Variants in TRPM3 observed in about 807,000 individuals in gnomAD.
The protein encoded by TRPM3 is long transient receptor potential channel 3.
A neutral mutation model predicts 181.2 loss-of-function variants in TRPM3; 77 were observed. The observed-to-expected ratio is 0.42, with a 90% CI of 0.35 to 0.51. The LOEUF (loss-of-function observed/expected upper bound fraction) is 0.51, where lower values mean the gene tolerates loss of function less well. TRPM3 is among the 20% of genes least tolerant of loss of function. The pLI, the probability that TRPM3 is intolerant of heterozygous loss-of-function variation, is 0.01. For synonymous variants in TRPM3, 745 were observed against 796.4 expected, an observed-to-expected ratio of 0.94 and a Z score of 1.09; for missense variants, 1,759 against 2,196.7, an observed-to-expected ratio of 0.80 and a Z score of 3.98.
intron 22 of TRPM3, among the ~76,000 whole-genome samples, chr9:70,553,858 C>A (rs2072214328): frequency 6.6e-6 from 1 of 152,186 alleles, no homozygotes; most frequent in South Asian, 2.1e-4. Flanking sequence ...AGGAACAACA[C>A]AGGGCAGTGC....
intron 8 of TRPM3, among the ~76,000 whole-genome samples, chr9:70,749,896 G>A (rs2135041801): frequency 6.6e-6 from 1 of 152,280 alleles, no homozygotes; most frequent in South Asian, 2.1e-4. Context: ...TGACCCAGAT[G>A]TAGATTCAAT....
At chr9:70,627,525 G>A (rs780699244) in intron 12 of TRPM3, among the ~76,000 whole-genome samples, 7 of 151,628 alleles carry the variant, frequency 4.6e-5, no homozygotes, top group African/African-American at 1.5e-4. Context: ...CTCCCGCCTC[G>A]GCCTCCCAAA....
chr9:70,845,549 G>A (rs2094919962), intron 4 of TRPM3, among the ~76,000 whole-genome samples: 1 of 152,110 alleles, frequency 6.6e-6, no homozygotes, highest in South Asian at 2.1e-4. Context: ...CCGAGATAAT[G>A]TGTTATTTAA....
chr9:71,009,066 G>C (rs1208336230), intron 1 of TRPM3, among the ~76,000 whole-genome samples: 4 of 152,066 alleles, frequency 2.6e-5, no homozygotes, highest in South Asian at 2.1e-4. Flanking sequence ...AGTATAGAAG[G>C]AACATACTGT....
chr9:71,250,523 AG>A (rs769956208), intron 1 of TRPM3, among the ~76,000 whole-genome samples: 9 of 152,162 alleles, frequency 5.9e-5, no homozygotes, highest in Non-Finnish European at 1.3e-4. Flanking sequence ...ACTCAAGAAA[AG>A]TATTGGTTTA....
intron 1 of TRPM3, among the ~76,000 whole-genome samples, chr9:71,365,531 G>A (rs201118595): frequency 8.6e-4 from 131 of 152,144 alleles, no homozygotes; most frequent in African/African-American, 3.1e-3. Flanking sequence ...AGTAACATAC[G>A]GATTATGATT....
chr9:70,946,334 C>T (rs1174313683), intron 1 of TRPM3, among the ~76,000 whole-genome samples: 5 of 151,948 alleles, frequency 3.3e-5, no homozygotes, highest in African/African-American at 1.2e-4. Context: ...AACCTTGAAT[C>T]CTTAGGCAGG....
intron 9 of TRPM3, among the ~76,000 whole-genome samples, chr9:70,668,824 GTGC>G (rs937219399): frequency 6.6e-5 from 10 of 151,982 alleles, no homozygotes; most frequent in Admixed American, 4.6e-4. Flanking sequence ...TTTCAGAATT[GTGC>G]TGCTATCAAT....
At chr9:71,115,227 G>T (rs979003457) in intron 1 of TRPM3, among the ~76,000 whole-genome samples, 3 of 134,478 alleles carry the variant, frequency 2.2e-5, no homozygotes, top group Non-Finnish European at 5.2e-5. Context: ...TTTTTTCAAC[G>T]TGGGGTCCTT....
chr9:70,698,396 G>GA (rs2134621422), intron 8 of TRPM3, among the ~76,000 whole-genome samples: 1 of 152,116 alleles, frequency 6.6e-6, no homozygotes, highest in Non-Finnish European at 1.5e-5. Context: ...TAAACTTCAA[G>GA]TTCCTTATCT....
At chr9:71,318,915 T>C (rs1169780218) in intron 1 of TRPM3, among the ~76,000 whole-genome samples, 3 of 149,020 alleles carry the variant, frequency 2.0e-5, no homozygotes, top group Non-Finnish European at 4.5e-5. Context: ...CAGATCCCTC[T>C]CCCAGCCCCC....
chr9:70,973,664 T>C (rs2097268297), intron 1 of TRPM3, among the ~76,000 whole-genome samples: 1 of 152,150 alleles, frequency 6.6e-6, no homozygotes, highest in Non-Finnish European at 1.5e-5. Flanking sequence ...TCCAAAGAAA[T>C]TGGCAAATGC....
intron 4 of TRPM3, among the ~76,000 whole-genome samples, chr9:70,843,759 A>T (rs1182355921): frequency 1.3e-5 from 2 of 150,946 alleles, no homozygotes; most frequent in Non-Finnish European, 2.9e-5. Context: ...AATTCAGTTT[A>T]CAAGATGTTA....
chr9:70,883,496 T>C (rs2096031691), intron 1 of TRPM3, among the ~76,000 whole-genome samples: 1 of 152,182 alleles, frequency 6.6e-6, no homozygotes. Context: ...ATGCTGTGTA[T>C]AAGACAGAAA....
At position 71,026,185 on chromosome 9, in the gene TRPM3, C is replaced by T. The variant is rs117151446; in HGVS notation, c.177+94993G>A. ...CCATTCCCTTAGGCACAACTTGCTC[C>T]CACAGAAGACTTTAGCCCTAGGGGA... On this transcript the variant is annotated intron_variant, in intron 1 of 25. Transcript: ENST00000677713. Among the ~76,000 whole-genome samples, 56 of 152,260 alleles carry T rather than the reference C, an allele frequency of 3.7e-4. 1 individual carries two copies. In the East Asian group the frequency reaches 6.9e-3, roughly 19 times the overall value.
intron 1 of TRPM3, among the ~76,000 whole-genome samples, chr9:71,031,698 T>C (rs1321892109): frequency 6.6e-6 from 1 of 151,668 alleles, no homozygotes; most frequent in Non-Finnish European, 1.5e-5. Context: ...ATTCCCTTTT[T>C]ATATGTAAAA....
At chr9:70,782,195 G>T (rs371132970) in intron 7 of TRPM3, among the ~76,000 whole-genome samples, 30 of 136,160 alleles carry the variant, frequency 2.2e-4, no homozygotes, top group African/African-American at 8.4e-4. Flanking sequence ...GAGAACCTTG[G>T]TTAATTTTTT....
intron 1 of TRPM3, among the ~76,000 whole-genome samples, chr9:71,109,431 T>C (rs1415947043): frequency 1.3e-5 from 2 of 152,170 alleles, no homozygotes; most frequent in East Asian, 1.9e-4. Context: ...TTAATTTGCA[T>C]TGCATCACTT....
At chr9:71,438,652 G>A (rs1271247821) in intron 1 of TRPM3, among the ~76,000 whole-genome samples, 2 of 152,200 alleles carry the variant, frequency 1.3e-5, no homozygotes, top group East Asian at 3.8e-4. Context: ...CAGCCTGGGC[G>A]ATAGAGTGAG....
Sources: allele counts gnomAD v4.1 joint callset (sites outside exome capture counted in the v4.1 genomes callset), GRCh38; gene constraint gnomAD v4.1.1; transcripts MANE v1.5; gene names NCBI Gene and HGNC (gene_info 2026-07-23, HGNC 2026-07-21).